Variants in AHCYL1 observed in about 807,000 individuals in gnomAD.
The protein encoded by AHCYL1 is S-adenosylhomocysteine hydrolase-like protein 1.
Under a neutral mutation model 79.3 loss-of-function variants are expected in AHCYL1, and 20 were observed. The ratio of observed to expected loss-of-function variants is 0.25; its 90% CI spans 0.18 to 0.37. The LOEUF is 0.37. Among genes scored for constraint, AHCYL1 ranks in the 10% least tolerant of loss-of-function variants. AHCYL1 has a pLI of 1.00. For synonymous variants in AHCYL1, 223 were observed against 242.2 expected, an observed-to-expected ratio of 0.92 and a Z score of 0.74; for missense variants, 330 against 673.6, an observed-to-expected ratio of 0.49 and a Z score of 5.65.
intron 1 of AHCYL1, among the ~76,000 whole-genome samples, chr1:110,006,241 AT>A (rs1650648116): frequency 6.6e-6 from 1 of 152,192 alleles, no homozygotes; most frequent in Admixed American, 6.5e-5. Flanking sequence ...GCATAACATC[AT>A]TCTTTAACAT....
chr1:110,021,527 A>T (rs1651792836), intron 16 of AHCYL1, 147 bp from the exon 17 acceptor site: 1 of 653,986 alleles, frequency 1.5e-6, no homozygotes, highest in African/African-American at 1.9e-5. Context: ...GTGGAAGAAT[A>T]AGGGAGACTG....
Position 110,021,750 on chromosome 1 carries a change from T to G in AHCYL1, c.*70T>G. On this transcript the variant is annotated 3_prime_UTR_variant, in exon 17 of 17. Transcript: ENST00000369799. ...AAAGAAATATTTTTTAAGATAACTT[T>G]TATTTTCTTCTTACTCCTTTCCTCT... 2 of 1,501,308 alleles carry G rather than the reference T, an allele frequency of 1.3e-6. No individual in the cohort carries two copies. Among genetic ancestry groups the G allele is most frequent in the Middle Eastern group, 1.8e-4 (1 of 5,690 alleles). The allele number at this position is 1,501,308 out of a possible 1,614,324, so 93.0% of individuals were successfully genotyped here.
At chr1:110,003,487 A>G (rs918891004) in intron 1 of AHCYL1, among the ~76,000 whole-genome samples, 1 of 151,786 alleles carries the variant, frequency 6.6e-6, no homozygotes, top group Non-Finnish European at 1.5e-5. Context: ...AAGTACAACA[A>G]TGGTGCTAGC....
chr1:109,996,975 C>G (rs1650066478), intron 1 of AHCYL1, among the ~76,000 whole-genome samples: 1 of 152,180 alleles, frequency 6.6e-6, no homozygotes. Flanking sequence ...ACCATTATCT[C>G]CTCGCCAGAC....
rs1157230023 is a variant in AHCYL1 at position 110,023,619 on chromosome 1, A to C, written c.*1939A>C. On this transcript the variant is annotated 3_prime_UTR_variant, in exon 17 of 17. Coordinates refer to ENST00000369799, the MANE Select transcript of AHCYL1 (RefSeq NM_006621.7). ...AAAAAAAAAGTCTGGCATCAGAGGG[A>C]GCATGTGGAGAGCAACTTGGGAAGA... 1.3e-5 allele frequency: 2 copies of C among 152,470 alleles called. No individual in the cohort carries two copies. The highest frequency in any genetic ancestry group is 1.5e-5 in the Non-Finnish European group (1 of 68,006). The allele number at this position is 152,470 out of a possible 1,614,324, so 9.4% of individuals were successfully genotyped here.
At chr1:110,012,764 C>A in intron 4 of AHCYL1, 133 bp from the exon 5 acceptor site, 1 of 626,710 alleles carries the variant, frequency 1.6e-6, no homozygotes, top group Non-Finnish European at 2.6e-6. Flanking sequence ...CGCTGGAGTA[C>A]ACCCTTTTGT....
intron 7 of AHCYL1, 58 bp from the exon 8 acceptor site, chr1:110,016,286 T>G: frequency 7.6e-7 from 1 of 1,320,486 alleles, no homozygotes; most frequent in Non-Finnish European, 1.1e-6. Flanking sequence ...TTGCCACAAA[T>G]TATGTTGTGC....
At chr1:110,014,703 T>C in intron 5 of AHCYL1, 60 bp from the exon 6 acceptor site, 1 of 1,281,280 alleles carries the variant, frequency 7.8e-7, no homozygotes, top group Non-Finnish European at 1.1e-6. Context: ...TCTCAGAAAG[T>C]GATTTGGTAC....
intron 1 of AHCYL1, among the ~76,000 whole-genome samples, chr1:109,991,969 G>T (rs115152293): frequency 2.6e-5 from 4 of 152,164 alleles, no homozygotes; most frequent in African/African-American, 7.2e-5. Flanking sequence ...TATGCTTAAT[G>T]GGAAATACTT....
chr1:110,011,777 T>C (rs1651051382), intron 3 of AHCYL1, among the ~76,000 whole-genome samples: 1 of 152,198 alleles, frequency 6.6e-6, no homozygotes, highest in South Asian at 2.1e-4. Context: ...AGAGTCTTGT[T>C]TGGTCCTGAG....
intron 9 of AHCYL1, among the ~76,000 whole-genome samples, chr1:110,017,156 G>A (rs1056256652): frequency 6.6e-6 from 1 of 152,284 alleles, no homozygotes; most frequent in Non-Finnish European, 1.5e-5. Flanking sequence ...CCTGAGCTAC[G>A]AGGGTATCCT....
chr1:109,988,473 A>C (rs1174731958), intron 1 of AHCYL1, among the ~76,000 whole-genome samples: 1 of 152,206 alleles, frequency 6.6e-6, no homozygotes, highest in Non-Finnish European at 1.5e-5. Flanking sequence ...CTGGTTATTT[A>C]TCCCTCTTTT....
intron 1 of AHCYL1, chr1:109,985,579 C>A (rs1232929141): frequency 1.0e-6 from 1 of 988,028 alleles, no homozygotes; most frequent in African/African-American, 1.7e-5. Context: ...TCCATCAAAT[C>A]TTTGGGAGCA....
chr1:109,986,698 A>G (rs1649485998), intron 1 of AHCYL1, among the ~76,000 whole-genome samples: 1 of 152,202 alleles, frequency 6.6e-6, no homozygotes, highest in South Asian at 2.1e-4. Context: ...ATGTTAGTAA[A>G]TCTGTATTCT....
chr1:110,018,473 G>A lies in AHCYL1; in HGVS notation c.1218+6G>A, dbSNP rs764702011. 3.7e-6 allele frequency: 6 copies of A among 1,613,962 alleles called. No individual in the cohort carries two copies. Among genetic ancestry groups the A allele is most frequent in the Middle Eastern group, 1.6e-4 (1 of 6,084 alleles). ...CCAACACAGAAATCGATGTGGTAAG[G>A]CTTCTCTCATTTGTTGCTAGGCATT... On this transcript the variant is annotated splice_donor_region_variant and intron_variant, in intron 12 of 16. Coordinates refer to ENST00000369799, the MANE Select transcript of AHCYL1 (RefSeq NM_006621.7).
chr1:109,987,056 A>C (rs1490667917), intron 1 of AHCYL1, among the ~76,000 whole-genome samples: 1 of 152,222 alleles, frequency 6.6e-6, no homozygotes, highest in African/African-American at 2.4e-5. Context: ...TCCATTTACC[A>C]GTAAATGTGC....
intron 4 of AHCYL1, 111 bp downstream of exon 4, chr1:110,012,573 A>C (rs987186369): frequency 7.2e-5 from 64 of 886,840 alleles, no homozygotes; most frequent in South Asian, 4.5e-5. Context: ...GCTAACTATT[A>C]ATAGGATCTC....
At chr1:110,016,165 T>C (rs1262412494) in intron 7 of AHCYL1, among the ~76,000 whole-genome samples, 179 bp from the exon 8 acceptor site, 2 of 150,090 alleles carry the variant, frequency 1.3e-5, no homozygotes, top group Non-Finnish European at 3.0e-5. Flanking sequence ...GAGAAGAAAA[T>C]GAAAAGAAGT....
intron 1 of AHCYL1, chr1:110,004,000 C>G: frequency 1.0e-6 from 1 of 985,346 alleles, no homozygotes; most frequent in Non-Finnish European, 1.2e-6. Context: ...TACTCTTTGG[C>G]AGAGTTTTTC....
Sources: gnomAD v4.1 joint callset for allele counts (sites outside exome capture counted in the v4.1 genomes callset) on GRCh38, gnomAD v4.1.1 for gene constraint, MANE v1.5 for transcripts, NCBI Gene and HGNC (gene_info 2026-07-23, HGNC 2026-07-21) for gene names.